NPAS3: variants seen among roughly 807,000 people sequenced by gnomAD.
NPAS3 encodes the protein neuronal PAS domain protein 3.
In NPAS3, 14 loss-of-function variants were observed where a neutral mutation model predicts 73.1. That is an observed-to-expected ratio of 0.19 (90% CI 0.13 to 0.30). NPAS3 has a LOEUF of 0.30. NPAS3 is among the 10% of genes least tolerant of loss of function. The pLI is 1.00. For synonymous variants in NPAS3, 620 were observed against 541.5 expected (o/e 1.14, Z -2.01); for missense variants, 1,096 against 1,250.0 (o/e 0.88, Z 1.86).
intron 1 of NPAS3, among the ~76,000 whole-genome samples, chr14:32,956,384 G>A (rs901338340): frequency 1.3e-5 from 2 of 152,052 alleles, no homozygotes; most frequent in Non-Finnish European, 1.5e-5. Context: ...ACAAATCTTT[G>A]CACTGAAAAT....
chr14:33,225,215 T>C (rs941994046), intron 3 of NPAS3, among the ~76,000 whole-genome samples: 4 of 152,236 alleles, frequency 2.6e-5, no homozygotes, highest in Non-Finnish European at 5.9e-5. Context: ...CATAGTTTGC[T>C]TAAGACTTTA....
intron 5 of NPAS3, among the ~76,000 whole-genome samples, chr14:33,564,422 C>T (rs189144698): frequency 6.0e-5 from 9 of 151,150 alleles, no homozygotes; most frequent in Admixed American, 4.0e-4. Flanking sequence ...GCAAGGCTGT[C>T]GTGATCTACA....
intron 6 of NPAS3, among the ~76,000 whole-genome samples, chr14:33,705,312 CAGTT>C (rs1201333064): frequency 6.6e-6 from 1 of 152,132 alleles, no homozygotes. Context: ...AGCATCTACA[CAGTT>C]AGTTCATTGG....
intron 10 of NPAS3, among the ~76,000 whole-genome samples, chr14:33,795,066 G>T (rs1341131240): frequency 1.3e-5 from 2 of 152,204 alleles, no homozygotes; most frequent in Non-Finnish European, 2.9e-5. Context: ...GCCAAGTGGA[G>T]CTGGGAAGCT....
chr14:33,168,837 G>C (rs1451658866), intron 2 of NPAS3, among the ~76,000 whole-genome samples: 2 of 152,140 alleles, frequency 1.3e-5, no homozygotes, highest in Non-Finnish European at 2.9e-5. Flanking sequence ...TCCAAGGCAG[G>C]CTCAAGCTCT....
At chr14:33,524,232 TAATACTTAA>T (rs1283612424) in intron 4 of NPAS3, among the ~76,000 whole-genome samples, 1 of 152,182 alleles carries the variant, frequency 6.6e-6, no homozygotes, top group East Asian at 1.9e-4. Context: ...CTTTCCTTCA[TAATACTTAA>T]GTCTTAACTG....
intron 4 of NPAS3, among the ~76,000 whole-genome samples, chr14:33,397,329 A>G (rs753905638): frequency 2.0e-5 from 3 of 152,102 alleles, no homozygotes; most frequent in East Asian, 1.9e-4. Context: ...AACAGACACT[A>G]TCTCATTTGT....
Position 33,235,805 on chromosome 14 carries a change from C to CTTTTTTTT in NPAS3, c.385+20396_385+20403dup, listed in dbSNP as rs35968798. On this transcript the variant is annotated intron_variant, in intron 3 of 11. Coordinates refer to ENST00000356141, the Ensembl canonical transcript of NPAS3. ...GACTAAAAGTTCTGTTGATACAATT[C>CTTTTTTTT]TTTTTTTTTTTTTTTTTTTTTTTTG... is the stretch of plus-strand genomic sequence containing the variant. Among the ~76,000 whole-genome samples, 29 of 80,626 alleles carry CTTTTTTTT rather than the reference C, an allele frequency of 3.6e-4. 2 individuals are homozygous for CTTTTTTTT. The highest frequency in any genetic ancestry group is 5.2e-4 in the Non-Finnish European group (24 of 46,270). The allele number at this position is 80,626 out of a possible 152,430, so 52.9% of individuals were successfully genotyped here.
chr14:33,113,836 C>T (rs947720605), intron 2 of NPAS3, among the ~76,000 whole-genome samples: 9 of 152,034 alleles, frequency 5.9e-5, no homozygotes, highest in East Asian at 1.9e-4. Flanking sequence ...TTTTGAGATA[C>T]GTCCCATCAA....
chr14:33,301,320 ATATTTTTT>A (rs1393911638), intron 3 of NPAS3, among the ~76,000 whole-genome samples: 3 of 99,994 alleles, frequency 3.0e-5, no homozygotes, highest in Non-Finnish European at 5.9e-5. Context: ...ATATATATAT[ATATTTTTT>A]TTTTTTAAAT....
At chr14:33,361,431 A>G (rs2045596218) in intron 3 of NPAS3, among the ~76,000 whole-genome samples, 2 of 152,212 alleles carry the variant, frequency 1.3e-5, no homozygotes, top group South Asian at 2.1e-4. Context: ...TCAATTAGAC[A>G]TTGTATGTTT....
chr14:33,680,431 C>T (rs1000935591), intron 6 of NPAS3, among the ~76,000 whole-genome samples: 5 of 152,172 alleles, frequency 3.3e-5, no homozygotes, highest in African/African-American at 7.2e-5. Context: ...ATATGCACTA[C>T]GTACCCTCCT....
intron 2 of NPAS3, among the ~76,000 whole-genome samples, chr14:33,183,315 A>G (rs1459921135): frequency 6.6e-6 from 1 of 150,648 alleles, no homozygotes; most frequent in Non-Finnish European, 1.5e-5. Flanking sequence ...AATCCCAGCT[A>G]CTTGGGGGGC....
intron 4 of NPAS3, among the ~76,000 whole-genome samples, chr14:33,481,791 T>TAA (rs199955996): frequency 3.3e-5 from 5 of 150,300 alleles, no homozygotes; most frequent in African/African-American, 1.2e-4. Flanking sequence ...ATCAAAAAAA[T>TAA]AAAAAAAAAT....
chr14:33,254,722 A>G (rs116187941), intron 3 of NPAS3, among the ~76,000 whole-genome samples: 354 of 152,316 alleles, frequency 2.3e-3, no homozygotes, highest in African/African-American at 8.3e-3. Flanking sequence ...AACATTGGGG[A>G]AAAAGCAAGG....
chr14:33,651,371 T>C (rs1250497752), intron 5 of NPAS3, among the ~76,000 whole-genome samples: 1 of 152,196 alleles, frequency 6.6e-6, no homozygotes, highest in African/African-American at 2.4e-5. Flanking sequence ...AATAAGTACT[T>C]ACTGAGTTTT....
chr14:33,701,477 C>T (rs1178599872), intron 6 of NPAS3, among the ~76,000 whole-genome samples: 1 of 152,318 alleles, frequency 6.6e-6, no homozygotes, highest in East Asian at 1.9e-4. Context: ...CTCAAATTCT[C>T]AGAGTGGACC....
intron 2 of NPAS3, among the ~76,000 whole-genome samples, chr14:33,109,580 G>T (rs2042824569): frequency 6.6e-6 from 1 of 151,950 alleles, no homozygotes; most frequent in Non-Finnish European, 1.5e-5. Flanking sequence ...CAAAATTAAT[G>T]TAATTTTTCT....
chr14:33,143,211 G>A (rs1287156288), intron 2 of NPAS3, among the ~76,000 whole-genome samples: 2 of 150,540 alleles, frequency 1.3e-5, no homozygotes, highest in Admixed American at 1.3e-4. Flanking sequence ...AGTTATCCTG[G>A]CCGGCTGCGG....
Sources: allele counts gnomAD v4.1 joint callset (sites outside exome capture counted in the v4.1 genomes callset), GRCh38; gene constraint gnomAD v4.1.1; transcripts MANE v1.5; gene names NCBI Gene and HGNC (gene_info 2026-07-23, HGNC 2026-07-21).